ARHGAP15: variants seen among roughly 807,000 people sequenced by gnomAD.
The protein encoded by ARHGAP15 is Rho GTPase activating protein 15, also known as rho GTPase-activating protein 15.
In ARHGAP15, 51 loss-of-function variants were observed where a neutral mutation model predicts 63.7. That is an observed-to-expected ratio of 0.80 (90% confidence interval 0.64 to 1.01). The LOEUF (loss-of-function observed/expected upper bound fraction) is 1.01. Among genes scored for constraint, ARHGAP15 ranks in the 50% least tolerant of loss-of-function variants. The pLI is 0.00. For synonymous variants in ARHGAP15, 191 were observed against 193.8 expected, an observed-to-expected ratio of 0.99 and a Z score of 0.12; for missense variants, 560 against 564.6, an observed-to-expected ratio of 0.99 and a Z score of 0.08.
chr2:143,506,488 A>C (rs751189362), intron 9 of ARHGAP15, among the ~76,000 whole-genome samples: 1 of 152,214 alleles, frequency 6.6e-6, no homozygotes, highest in Non-Finnish European at 1.5e-5. Flanking sequence ...TGAGCATGTG[A>C]ATTTCATGGA....
intron 11 of ARHGAP15, among the ~76,000 whole-genome samples, chr2:143,586,667 A>G (rs965611171): frequency 2.8e-5 from 4 of 142,132 alleles, no homozygotes; most frequent in Non-Finnish European, 4.5e-5. Flanking sequence ...CCATTGCATA[A>G]TATGTAAATA....
chr2:143,366,000 C>T (rs572801140), intron 6 of ARHGAP15, among the ~76,000 whole-genome samples: 50 of 152,222 alleles, frequency 3.3e-4, no homozygotes, highest in Admixed American at 2.7e-3. Context: ...CCTATATATT[C>T]TAAAATATTT....
chr2:143,673,722 T>TTGTGTGTG lies in ARHGAP15; in HGVS notation c.1139-29667_1139-29660dup, dbSNP rs70982878. ...ACAAATATCTGATAAAGGCCTTATA[T>TTGTGTGTG]TGTGTGTGTGTGTGTGTGTGTGTGT... On this transcript the variant is annotated intron_variant, in intron 12 of 13. Transcript: ENST00000295095. Among the ~76,000 whole-genome samples, 18 of 54,664 alleles carry TTGTGTGTG rather than the reference T, an allele frequency of 3.3e-4. 1 individual carries two copies. The highest frequency in any genetic ancestry group is 3.3e-3 in the East Asian group (4 of 1,230). The allele number at this position is 54,664 out of a possible 152,430, so 35.9% of individuals were successfully genotyped here.
intron 12 of ARHGAP15, among the ~76,000 whole-genome samples, chr2:143,694,467 G>GT (rs1347162930): frequency 6.6e-6 from 1 of 151,914 alleles, no homozygotes; most frequent in Non-Finnish European, 1.5e-5. Context: ...TTAGCTGGCA[G>GT]TTTTTTTTCC....
Position 143,188,688 on chromosome 2 carries a change from T to C in ARHGAP15, c.166-13446T>C, listed in dbSNP as rs185201927. Among the ~76,000 whole-genome samples, 585 of 151,654 alleles carry C rather than the reference T, an allele frequency of 3.9e-3. 3 individuals are homozygous for C. The highest frequency in any genetic ancestry group is 0.014 in the African/African-American group (565 of 41,392). Reference sequence around the variant, plus strand: ...CAAGCTAGAGTGCAATGGTATGATCTCAGCTCACTGCAACCTCTGCCTCCC... The same window carrying C: ...CAAGCTAGAGTGCAATGGTATGATCCCAGCTCACTGCAACCTCTGCCTCCC... On this transcript the variant is annotated intron_variant, in intron 2 of 13. Coordinates refer to ENST00000295095, the MANE Select transcript of ARHGAP15 (RefSeq NM_018460.4).
At chr2:143,709,844 G>A (rs1332237127) in intron 13 of ARHGAP15, among the ~76,000 whole-genome samples, 2 of 152,170 alleles carry the variant, frequency 1.3e-5, no homozygotes, top group African/African-American at 4.8e-5. Context: ...TATTTCTGAT[G>A]TTTTGGTGGG....
At chr2:143,477,185 TGCTC>T (rs1461474836) in intron 8 of ARHGAP15, among the ~76,000 whole-genome samples, 1 of 146,312 alleles carries the variant, frequency 6.8e-6, no homozygotes, top group African/African-American at 2.6e-5. Flanking sequence ...CACACACACA[TGCTC>T]GCACACACAC....
intron 3 of ARHGAP15, among the ~76,000 whole-genome samples, chr2:143,204,422 G>A (rs1191881019): frequency 2.6e-5 from 4 of 152,034 alleles, no homozygotes; most frequent in Non-Finnish European, 4.4e-5. Flanking sequence ...GCCCTCTTCT[G>A]GGTTGCAAAC....
chr2:143,338,030 CACTT>C (rs547727652), intron 6 of ARHGAP15, among the ~76,000 whole-genome samples: 89 of 152,264 alleles, frequency 5.8e-4, no homozygotes, highest in African/African-American at 2.0e-3. Flanking sequence ...CAATAATAAA[CACTT>C]ACTGAGCCCT....
rs80290059 is a variant in ARHGAP15 at position 143,270,337 on chromosome 2, T to A, written c.474+19737T>A. The stretch of plus-strand genomic sequence containing the variant: ...TTCAACCTTGTAGACATTTCTGTTT[T>A]GCTTTGAATATGATCTTCTTGGTAT... On this transcript the variant is annotated intron_variant, in intron 6 of 13. Transcript: ENST00000295095. Among the ~76,000 whole-genome samples, 534 of 152,374 alleles carry A rather than the reference T, an allele frequency of 3.5e-3. 5 individuals are homozygous for A. The highest frequency in any genetic ancestry group is 0.012 in the African/African-American group (507 of 41,588).
intron 12 of ARHGAP15, among the ~76,000 whole-genome samples, chr2:143,677,044 G>A (rs1682862109): frequency 6.6e-6 from 1 of 152,204 alleles, no homozygotes; most frequent in Non-Finnish European, 1.5e-5. Context: ...GGAAGTGATT[G>A]AAAGACCATT....
At chr2:143,188,626 ATTATT>A (rs1691541252) in intron 2 of ARHGAP15, among the ~76,000 whole-genome samples, 1 of 128,222 alleles carries the variant, frequency 7.8e-6, no homozygotes, top group African/African-American at 2.9e-5. Flanking sequence ...TATTATTATT[ATTATT>A]ATTATTATTA....
At chr2:143,217,188 T>C (rs1321854241) in intron 4 of ARHGAP15, among the ~76,000 whole-genome samples, 1 of 152,152 alleles carries the variant, frequency 6.6e-6, no homozygotes, top group Non-Finnish European at 1.5e-5. Flanking sequence ...ATTAATAGGA[T>C]AAATGTACTA....
chr2:143,426,778 T>G (rs1349374619), intron 6 of ARHGAP15, among the ~76,000 whole-genome samples: 1 of 152,166 alleles, frequency 6.6e-6, no homozygotes, highest in East Asian at 1.9e-4. Context: ...TTGGCATCCT[T>G]GTCTGGAAAC....
chr2:143,742,921 A>G (rs2105510467), intron 13 of ARHGAP15, among the ~76,000 whole-genome samples: 1 of 152,286 alleles, frequency 6.6e-6, no homozygotes, highest in South Asian at 2.1e-4. Context: ...AGCTGTCTTT[A>G]TTCTCCTGCC....
intron 11 of ARHGAP15, among the ~76,000 whole-genome samples, chr2:143,594,123 GA>G (rs1353991626): frequency 6.6e-6 from 1 of 151,878 alleles, no homozygotes; most frequent in African/African-American, 2.4e-5. Flanking sequence ...TTAAAAGGAG[GA>G]AAAAAGAGCC....
intron 12 of ARHGAP15, among the ~76,000 whole-genome samples, chr2:143,668,358 A>G (rs1185813140): frequency 1.3e-5 from 2 of 151,832 alleles, no homozygotes; most frequent in Non-Finnish European, 2.9e-5. Flanking sequence ...TTCAGCTCTG[A>G]ATGGCTAATG....
chr2:143,612,105 CATCT>C (rs1470116166), intron 11 of ARHGAP15, among the ~76,000 whole-genome samples: 3 of 152,296 alleles, frequency 2.0e-5, no homozygotes, highest in Non-Finnish European at 4.4e-5. Context: ...AATTCTTTCA[CATCT>C]AACAGAGACC....
At chr2:143,540,254 TA>T (rs1694984198) in intron 10 of ARHGAP15, among the ~76,000 whole-genome samples, 1 of 152,154 alleles carries the variant, frequency 6.6e-6, no homozygotes, top group African/African-American at 2.4e-5. Flanking sequence ...TCCGTCCCTT[TA>T]TTTTGAGCCT....
Sources: allele counts gnomAD v4.1 joint callset (sites outside exome capture counted in the v4.1 genomes callset), GRCh38; gene constraint gnomAD v4.1.1; transcripts MANE v1.5; gene names NCBI Gene and HGNC (gene_info 2026-07-23, HGNC 2026-07-21).